The following RNPS1 variants were observed in gnomAD, a reference collection of about 807,000 sequenced individuals.
RNPS1 encodes RNA-binding protein with serine-rich domain 1.
For synonymous variants in RNPS1, 147 were observed against 150.0 expected (o/e 0.98, Z 0.15); for missense variants, 300 against 427.6 (o/e 0.70, Z 2.63).
intron 6 of RNPS1, chr16:2,257,543 A>AT (rs1342915774): frequency 1.3e-5 from 2 of 152,216 alleles, no homozygotes; most frequent in African/African-American, 4.8e-5. Context: ...CACAAAAAAA[A>AT]TCCTACCAGA....
Position 2,264,298 on chromosome 16 carries a change from T to A in RNPS1, c.105A>T (p.Ser35=), listed in dbSNP as rs1596813569. 7 of 1,614,222 alleles carry A rather than the reference T, an allele frequency of 4.3e-6. No homozygotes were observed. Among genetic ancestry groups the A allele is most frequent in the Non-Finnish European group, 5.9e-6 (7 of 1,180,042 alleles). ...TTGAGCGATCCTTGGACTTCTCATC[T>A]GAGCGGTCTTTGCGTTTGGTAGGTG... The part of the protein sequence containing the change: ...APSPTKRKDR[S]DEKSKDRSKD... Residue 35 remains serine (S), a synonymous_variant, in exon 3 of 8, where the codon TCA becomes TCT. Transcript: ENST00000320225.
rs1428734320 is a variant in RNPS1, at chr16:2,263,079, A to G, written c.419+17T>C. The G allele has an allele frequency of 6.2e-7, 1 of 1,608,994 alleles. No homozygotes were observed. The highest frequency in any genetic ancestry group is 8.5e-7 in the Non-Finnish European group (1 of 1,177,676). ...CCCGAGCTTGTAAACTTTAGCTCCC[A>G]GGCGCAGGGCACTCACTTGGAGCGG... On this transcript the variant is annotated intron_variant, in intron 4 of 7. Transcript: ENST00000320225.
At chr16:2,261,317 T>A (rs2093602168) in intron 6 of RNPS1, among the ~76,000 whole-genome samples, 1 of 152,176 alleles carries the variant, frequency 6.6e-6, no homozygotes, top group Admixed American at 6.5e-5. Context: ...GTGTGGCTGT[T>A]GCATCCTATT....
chr16:2,265,255 T>C (rs1437269809), intron 1 of RNPS1: 3 of 152,306 alleles, frequency 2.0e-5, no homozygotes, highest in Admixed American at 1.3e-4. Flanking sequence ...AAACACTTAA[T>C]ACCCAAAAGC....
chr16:2,264,872 A>G lies in RNPS1; in HGVS notation c.-117-112T>C, dbSNP rs528720668. 9.5e-4 allele frequency: 780 copies of G among 820,700 alleles called. 1 individual carries two copies. The highest frequency in any genetic ancestry group is 1.3e-3 in the Non-Finnish European group (707 of 560,808). The allele number at this position is 820,700 out of a possible 1,614,324, so 50.8% of individuals were successfully genotyped here. The stretch of plus-strand genomic sequence containing the variant: ...AGGCAGCAAGGGAGCACGGTAAGCA[A>G]TAAGTGTCCACACAGTCAGGAACAC... On this transcript the variant is annotated intron_variant, in intron 1 of 7. Coordinates refer to ENST00000320225, the MANE Select transcript of RNPS1 (RefSeq NM_080594.4).
chr16:2,264,908 T>TC (rs2093619050), intron 1 of RNPS1, 148 bp from the exon 2 acceptor site: 2 of 487,796 alleles, frequency 4.1e-6, no homozygotes, highest in Admixed American at 3.9e-5. Flanking sequence ...ATAGGGACAG[T>TC]CCCCATGTGC....
chr16:2,254,618 G>A (rs866278089), intron 7 of RNPS1, among the ~76,000 whole-genome samples: 9 of 145,300 alleles, frequency 6.2e-5, no homozygotes, highest in Admixed American at 1.4e-4. Flanking sequence ...TTTTTTGTAC[G>A]GATGGGGTTT....
chr16:2,261,043 T>C (rs1399395268), intron 6 of RNPS1, among the ~76,000 whole-genome samples: 1 of 151,206 alleles, frequency 6.6e-6, no homozygotes, highest in African/African-American at 2.4e-5. Flanking sequence ...GGGAGGAGAA[T>C]GGCATGAACC....
chr16:2,258,956 C>G (rs920791186), intron 6 of RNPS1, among the ~76,000 whole-genome samples: 2 of 151,886 alleles, frequency 1.3e-5, no homozygotes, highest in African/African-American at 4.8e-5. Flanking sequence ...AACCATGTCT[C>G]TACTAAAAAT....
At chr16:2,264,020 A>G in intron 3 of RNPS1, 156 bp downstream of exon 3, 1 of 876,060 alleles carries the variant, frequency 1.1e-6, no homozygotes, top group Non-Finnish European at 1.7e-6. Flanking sequence ...ATGAGCCACC[A>G]CTGCACCTAG....
chr16:2,266,336 T>C (rs1414155027), intron 1 of RNPS1: 1 of 985,462 alleles, frequency 1.0e-6, no homozygotes. Flanking sequence ...ACAGTAAGGT[T>C]CTGCAGACAC....
rs545960545 is a variant in RNPS1 at position 2,264,747 on chromosome 16, C to T, written c.-104G>A. On this transcript the variant is annotated 5_prime_UTR_variant, in exon 2 of 8. Transcript: ENST00000320225. ...ACGATCCCTAATCGATTGCAATTTA[C>T]GCCAAAGAGCAGCCTAATAACAAGA... The T allele has an allele frequency of 8.5e-5, 133 of 1,564,174 alleles. No individual in the cohort carries two copies. The highest frequency in any genetic ancestry group is 1.0e-4 in the Non-Finnish European group (116 of 1,162,912).
intron 6 of RNPS1, chr16:2,258,201 T>C (rs1280415376): frequency 1.3e-5 from 2 of 152,230 alleles, no homozygotes; most frequent in African/African-American, 4.8e-5. Flanking sequence ...GGGAAACTTC[T>C]GGTTCTCAGA....
At chr16:2,265,346 A>T (rs2093620785) in intron 1 of RNPS1, 1 of 152,276 alleles carries the variant, frequency 6.6e-6, no homozygotes, top group Non-Finnish European at 1.5e-5. Flanking sequence ...ACTGTACTTT[A>T]ATAATATGCA....
chr16:2,263,016 T>C, intron 4 of RNPS1, 80 bp downstream of exon 4: 1 of 1,476,090 alleles, frequency 6.8e-7, no homozygotes, highest in South Asian at 1.3e-5. Context: ...AAGACTCCTT[T>C]TGGGTCCCTT....
At chr16:2,259,075 A>T (rs2093591076) in intron 6 of RNPS1, among the ~76,000 whole-genome samples, 1 of 148,146 alleles carries the variant, frequency 6.8e-6, no homozygotes, top group Non-Finnish European at 1.5e-5. Flanking sequence ...GTGAGCCAAG[A>T]TTGCACCATT....
intron 6 of RNPS1, 40 bp from the exon 7 acceptor site, chr16:2,255,766 C>T: frequency 6.2e-7 from 1 of 1,601,564 alleles, no homozygotes; most frequent in South Asian, 1.1e-5. Context: ...ATCTAACAAG[C>T]ATCTACCCTA....
rs377095448 is a variant in RNPS1 at position 2,253,427 on chromosome 16, G to A, written c.*537C>T. 2.4e-4 allele frequency: 48 copies of A among 198,698 alleles called. No individual in the cohort carries two copies. Among genetic ancestry groups the A allele is most frequent in the Non-Finnish European group, 3.9e-4 (38 of 96,784 alleles). 12.3% of individuals were successfully genotyped at this position (198,698 alleles called of 1,614,324 possible). A position where few individuals can be genotyped will look rare whatever the true frequency, so the allele number is the denominator to read the frequency against. On this transcript the variant is annotated 3_prime_UTR_variant, in exon 8 of 8. Transcript: ENST00000320225. ...GGGTGCGGTGTGTGCATCGGTGCAC[G>A]GACAGACAGAACCACGAGCAGCAAC...
chr16:2,258,489 T>G (rs1027340611), intron 6 of RNPS1: 1 of 150,094 alleles, frequency 6.7e-6, no homozygotes, highest in Non-Finnish European at 1.5e-5. Flanking sequence ...CTTTGGGAGG[T>G]TGAGGCGAGA....
Sources: allele counts gnomAD v4.1 joint callset (sites outside exome capture counted in the v4.1 genomes callset), GRCh38; gene constraint gnomAD v4.1.1; transcripts MANE v1.5; gene names NCBI Gene and HGNC (gene_info 2026-07-23, HGNC 2026-07-21).